Variants in GSG1L2 observed in about 807,000 individuals in gnomAD.
The protein encoded by GSG1L2 is GSG1 like 2, also known as germ cell-specific gene 1-like protein 2.
A neutral mutation model predicts 9.0 loss-of-function variants in GSG1L2; 15 were observed. The ratio of observed to expected loss-of-function variants is 1.67; its 90% confidence interval spans 1.12 to 2.57. The LOEUF (loss-of-function observed/expected upper bound fraction) is 2.57, where lower values mean the gene tolerates loss of function less well. Among genes scored for constraint, GSG1L2 ranks in the 30% most tolerant of loss-of-function variants. The pLI, the probability that GSG1L2 is intolerant of heterozygous loss-of-function variation, is 0.00. For missense variants in GSG1L2, 286 were observed against 150.3 expected, an observed-to-expected ratio of 1.90 and a Z score of -4.72; for synonymous variants, 127 against 57.9, an observed-to-expected ratio of 2.19 and a Z score of -5.41.
At chr17:9,809,139 T>G (rs890867351) in intron 2 of GSG1L2, 157 bp from the exon 3 acceptor site, 1 of 607,096 alleles carries the variant, frequency 1.6e-6, no homozygotes, top group Admixed American at 2.5e-5. Flanking sequence ...TAGCTGGCAA[T>G]GGAAAGGCAC....
At chr17:9,809,095 T>C (rs1163726763) in intron 2 of GSG1L2, 113 bp from the exon 3 acceptor site, 1 of 639,040 alleles carries the variant, frequency 1.6e-6, no homozygotes, top group Non-Finnish European at 2.8e-6. Context: ...ACAGACACGC[T>C]GGAGTGAAAA....
intron 1 of GSG1L2, among the ~76,000 whole-genome samples, chr17:9,816,860 A>ATG (rs1555566419): frequency 1.5e-5 from 2 of 130,592 alleles, no homozygotes; most frequent in African/African-American, 6.0e-5. Flanking sequence ...GTGTATCTGT[A>ATG]TGTGTGTGTC....
At chr17:9,809,111 G>A in intron 2 of GSG1L2, 129 bp from the exon 3 acceptor site, 1 of 630,978 alleles carries the variant, frequency 1.6e-6, no homozygotes, top group South Asian at 1.8e-5. Context: ...GAAAATCACA[G>A]ATGCCTCTGC....
Position 9,820,947 on chromosome 17 carries a change from G to A in GSG1L2, c.310+815C>T, listed in dbSNP as rs748983445. ...CAAAGTGCTAGGATTATAGGAATGA[G>A]CCACCAGGCTGGGCCTCAGGGGCTT... On this transcript the variant is annotated intron_variant, in intron 1 of 4. Coordinates refer to ENST00000399363, the MANE Select transcript of GSG1L2 (RefSeq NM_001310219.2). The surrounding 1 kb of genome is among the most constrained non-coding windows in gnomAD (Gnocchi z 4.9). 6.6e-5 allele frequency among the ~76,000 whole-genome samples: 10 copies of A among 152,188 alleles called. No individual in the cohort carries two copies. Among genetic ancestry groups the A allele is most frequent in the African/African-American group, 9.7e-5 (4 of 41,442 alleles).
intron 1 of GSG1L2, among the ~76,000 whole-genome samples, chr17:9,813,944 C>CAT (rs1555566112): frequency 6.6e-6 from 1 of 151,070 alleles, no homozygotes; most frequent in African/African-American, 2.4e-5. Context: ...ACAGTTTTTT[C>CAT]TGTTTTTTTT....
intron 1 of GSG1L2, among the ~76,000 whole-genome samples, chr17:9,816,522 C>CTGTGTGTTTGTGTGTG (rs1491196761): frequency 7.1e-5 from 10 of 140,662 alleles, no homozygotes; most frequent in Admixed American, 2.1e-4. Context: ...GTGTGCGTGT[C>CTGTGTGTTTGTGTGTG]TGTGTCTCTG....
Position 9,820,695 on chromosome 17 carries a change from C to T in GSG1L2, c.310+1067G>A, listed in dbSNP as rs559336439. Among the ~76,000 whole-genome samples the T allele has an allele frequency of 1.3e-5, 2 of 150,728 alleles. No individual in the cohort carries two copies. Among genetic ancestry groups the T allele is most frequent in the East Asian group, 2.0e-4 (1 of 5,124 alleles). On this transcript the variant is annotated intron_variant, in intron 1 of 4. Coordinates refer to ENST00000399363, the MANE Select transcript of GSG1L2 (RefSeq NM_001310219.2). The surrounding 1 kb of genome is among the most constrained non-coding windows in gnomAD (Gnocchi z 4.9). ...TTTTTTTAATTTGAGACAGGTCTCG[C>T]TCTATCATTCAGGCTGGAGGGCAGT...
intron 1 of GSG1L2, among the ~76,000 whole-genome samples, chr17:9,816,916 G>GTGTGTATC (rs1567711592): frequency 7.0e-6 from 1 of 142,684 alleles, no homozygotes; most frequent in African/African-American, 2.8e-5. Flanking sequence ...GTATCTGTGT[G>GTGTGTATC]TGTGTGTGTG....
chr17:9,807,739 C>T (rs2066521576), intron 3 of GSG1L2, 138 bp from the exon 4 acceptor site: 1 of 620,230 alleles, frequency 1.6e-6, no homozygotes, highest in Non-Finnish European at 2.9e-6. Context: ...CATCCTTAAA[C>T]ATTCCGCTGG....
chr17:9,819,602 G>T (rs555160115), intron 1 of GSG1L2, among the ~76,000 whole-genome samples: 1 of 152,222 alleles, frequency 6.6e-6, no homozygotes, highest in East Asian at 1.9e-4. Context: ...TCTTGTCTAT[G>T]AGTAAATATC....
At chr17:9,814,309 CA>C (rs1484913741) in intron 1 of GSG1L2, among the ~76,000 whole-genome samples, 1 of 152,180 alleles carries the variant, frequency 6.6e-6, no homozygotes, top group African/African-American at 2.4e-5. Flanking sequence ...TGGAGGAGAC[CA>C]GGCTCATATG....
chr17:9,810,331 A>G (rs1344273795), intron 2 of GSG1L2: 1 of 572,896 alleles, frequency 1.7e-6, no homozygotes, highest in Non-Finnish European at 3.1e-6. Context: ...ACCATGGAAC[A>G]CGGCCAGTGC....
intron 1 of GSG1L2, among the ~76,000 whole-genome samples, chr17:9,818,279 G>A (rs2066575232): frequency 6.6e-6 from 1 of 152,100 alleles, no homozygotes; most frequent in Admixed American, 6.5e-5. Flanking sequence ...GGGAGTGGGA[G>A]CAAGAGAGAG....
chr17:9,818,093 T>C (rs55868324), intron 1 of GSG1L2, among the ~76,000 whole-genome samples: 1 of 152,164 alleles, frequency 6.6e-6, no homozygotes, highest in South Asian at 2.1e-4. Flanking sequence ...GTTCTTGCAT[T>C]GCTATAAAGG....
At chr17:9,821,581 G>C (rs1243871570) in intron 1 of GSG1L2, among the ~76,000 whole-genome samples, 181 bp downstream of exon 1, 1 of 152,120 alleles carries the variant, frequency 6.6e-6, no homozygotes, top group Non-Finnish European at 1.5e-5. Flanking sequence ...CTTATTCAAG[G>C]ATACCTAGAC....
chr17:9,809,123 G>T, intron 2 of GSG1L2, 141 bp from the exon 3 acceptor site: 2 of 607,974 alleles, frequency 3.3e-6, no homozygotes. Context: ...TGCCTCTGCT[G>T]AATCTTAGCT....
intron 3 of GSG1L2, chr17:9,807,810 C>G (rs973029258): frequency 1.8e-5 from 9 of 506,146 alleles, no homozygotes; most frequent in Non-Finnish European, 3.2e-5. Flanking sequence ...CGGGGAGGAC[C>G]TGTCAGAACC....
rs1257437579 is a variant in GSG1L2 at position 9,808,159 on chromosome 17, C to CTTAA, written c.512-562_512-559dup. ...ACAAATTGGCCTGCTACATGATGAA[C>CTTAA]TTAACATGAGTAACTTTTCATATCC... is the stretch of plus-strand genomic sequence containing the variant. On this transcript the variant is annotated intron_variant, in intron 3 of 4. Transcript: ENST00000399363. Among the ~76,000 whole-genome samples the CTTAA allele has an allele frequency of 2.0e-5, 3 of 152,232 alleles. No individual in the cohort carries two copies. The East Asian group carries it at 5.8e-4, about 29-fold the overall frequency.
rs2066529481 is a variant in GSG1L2, at chr17:9,809,320, G to A, written c.359-338C>T. ...TGTCTGGAGTTGGTTCCTGCCGGTG[G>A]GTTCATGGTCTGGCTGACTTCAAGA... On this transcript the variant is annotated intron_variant, in intron 2 of 4. Coordinates refer to ENST00000399363, the MANE Select transcript of GSG1L2 (RefSeq NM_001310219.2). 8.5e-6 allele frequency: 3 copies of A among 354,526 alleles called. No homozygotes were observed. In the East Asian group the frequency reaches 2.1e-4, roughly 25 times the overall value. 22.0% of individuals were successfully genotyped at this position (354,526 alleles called of 1,614,324 possible).
Sources: gnomAD v4.1 joint callset for allele counts (sites outside exome capture counted in the v4.1 genomes callset) on GRCh38, gnomAD v4.1.1 for gene constraint, Gnocchi (gnomAD v3.1) non-coding constraint, MANE v1.5 for transcripts, NCBI Gene and HGNC (gene_info 2026-07-23, HGNC 2026-07-21) for gene names.